The following ULK4 variants were observed in gnomAD, a reference collection of about 807,000 sequenced individuals.
ULK4 encodes the protein unc-51 like kinase 4.
In ULK4, 133 loss-of-function variants were observed where a neutral mutation model predicts 160.6. The ratio of observed to expected loss-of-function variants is 0.83; its 90% CI spans 0.72 to 0.96. The LOEUF (loss-of-function observed/expected upper bound fraction) is 0.96, where lower values mean the gene tolerates loss of function less well. ULK4 is among the 40% of genes least tolerant of loss of function. The probability of loss-of-function intolerance (pLI) is 0.00; values close to 1 mark genes in which losing one functional copy is unlikely to be tolerated. For missense variants in ULK4, 1,580 were observed against 1,499.5 expected (o/e 1.05, Z -0.89); for synonymous variants, 534 against 539.8 (o/e 0.99, Z 0.15).
intron 2 of ULK4, among the ~76,000 whole-genome samples, chr3:41,951,965 C>A (rs1036011576): frequency 2.6e-5 from 4 of 152,204 alleles, no homozygotes; most frequent in African/African-American, 9.6e-5. Flanking sequence ...CAATAAATTT[C>A]TGTTATTTAT....
At chr3:41,552,540 C>A (rs1378088836) in intron 32 of ULK4, among the ~76,000 whole-genome samples, 1 of 151,580 alleles carries the variant, frequency 6.6e-6, no homozygotes, top group East Asian at 1.9e-4. Flanking sequence ...ATAAATTTAA[C>A]CAAGGAGGTA....
At chr3:41,648,534 G>C (rs1425793061) in intron 30 of ULK4, among the ~76,000 whole-genome samples, 1 of 152,116 alleles carries the variant, frequency 6.6e-6, no homozygotes, top group Non-Finnish European at 1.5e-5. Context: ...TCAATACCTT[G>C]TCTGCCCAAT....
At chr3:41,350,375 G>T (rs908834902) in intron 35 of ULK4, among the ~76,000 whole-genome samples, 1 of 152,074 alleles carries the variant, frequency 6.6e-6, no homozygotes, top group African/African-American at 2.4e-5. Context: ...TATTTCATTG[G>T]AAGTTTATTA....
chr3:41,376,748 C>T lies in ULK4; in HGVS notation c.3678+21331G>A, dbSNP rs140010503. On this transcript the variant is annotated intron_variant, in intron 35 of 36. Transcript: ENST00000301831. ...GAGGATACAAACAAATGGAAGAACA[C>T]TCCATGTTCATGGGAAGGAAGAATC... Among the ~76,000 whole-genome samples the T allele has an allele frequency of 3.9e-3, 581 of 150,236 alleles. 37 individuals carry two copies. Among genetic ancestry groups the T allele is most frequent in the African/African-American group, 0.013 (539 of 40,278 alleles).
intron 8 of ULK4, among the ~76,000 whole-genome samples, chr3:41,914,335 T>C (rs1698897315): frequency 6.6e-6 from 1 of 152,176 alleles, no homozygotes; most frequent in East Asian, 1.9e-4. Context: ...GTTCTTATGG[T>C]TCACTAAAGG....
At chr3:41,867,515 G>A (rs916090421) in intron 17 of ULK4, among the ~76,000 whole-genome samples, 2 of 152,174 alleles carry the variant, frequency 1.3e-5, no homozygotes, top group African/African-American at 4.8e-5. Flanking sequence ...GGGATTACCG[G>A]TGTGTACCAC....
At chr3:41,452,858 A>G (rs2083452553) in intron 34 of ULK4, among the ~76,000 whole-genome samples, 1 of 152,126 alleles carries the variant, frequency 6.6e-6, no homozygotes, top group Admixed American at 6.6e-5. Context: ...AACAGCCAAA[A>G]CAGAATGGCT....
chr3:41,558,364 G>A (rs1011073918), intron 32 of ULK4, among the ~76,000 whole-genome samples: 1 of 151,922 alleles, frequency 6.6e-6, no homozygotes, highest in East Asian at 1.9e-4. Context: ...TTTTTCTTAG[G>A]GGAGGAAAAA....
chr3:41,611,503 T>G (rs548412956), intron 31 of ULK4, among the ~76,000 whole-genome samples: 16 of 152,338 alleles, frequency 1.1e-4, no homozygotes, highest in Admixed American at 9.8e-4. Flanking sequence ...CTGAGACGTG[T>G]TCTGTATCTT....
At chr3:41,365,909 T>C (rs1399762932) in intron 35 of ULK4, among the ~76,000 whole-genome samples, 4 of 152,162 alleles carry the variant, frequency 2.6e-5, no homozygotes, top group African/African-American at 9.7e-5. Flanking sequence ...TAAATCAAGT[T>C]GGTTAAAATC....
intron 32 of ULK4, among the ~76,000 whole-genome samples, chr3:41,505,710 C>G (rs980098134): frequency 2.6e-5 from 4 of 151,918 alleles, no homozygotes; most frequent in Non-Finnish European, 1.5e-5. Context: ...TTTAATAGTT[C>G]ATTGATTCTT....
intron 35 of ULK4, among the ~76,000 whole-genome samples, chr3:41,347,551 TCTTA>T (rs2080824247): frequency 1.3e-5 from 2 of 152,074 alleles, no homozygotes; most frequent in Non-Finnish European, 1.5e-5. Context: ...TCCTTTCCTC[TCTTA>T]TATATATATG....
chr3:41,831,023 TATTTATTTATTG>T (rs1559590108), intron 18 of ULK4, among the ~76,000 whole-genome samples: 47 of 151,698 alleles, frequency 3.1e-4, no homozygotes, highest in African/African-American at 1.0e-3. Flanking sequence ...TTTATTTATT[TATTTATTTATTG>T]ATTTATTTAT....
chr3:41,261,965 G>T (rs541258390), intron 35 of ULK4, among the ~76,000 whole-genome samples: 2 of 152,210 alleles, frequency 1.3e-5, no homozygotes, highest in African/African-American at 4.8e-5. Context: ...TCTTCACAGT[G>T]ACCCTATGAG....
At chr3:41,585,198 A>ACT (rs2030698847) in intron 31 of ULK4, among the ~76,000 whole-genome samples, 1 of 152,172 alleles carries the variant, frequency 6.6e-6, no homozygotes, top group African/African-American at 2.4e-5. Flanking sequence ...CAAAAGACCT[A>ACT]AAAAAGCCAA....
chr3:41,782,045 T>G (rs76784513), intron 21 of ULK4, among the ~76,000 whole-genome samples: 4,489 of 152,306 alleles, frequency 0.029, 215 homozygotes, highest in African/African-American at 0.1. Flanking sequence ...TTTTTTAGGT[T>G]TGAAACTTTT....
intron 19 of ULK4, among the ~76,000 whole-genome samples, chr3:41,805,172 C>T (rs549923266): frequency 6.6e-6 from 1 of 152,240 alleles, no homozygotes; most frequent in South Asian, 2.1e-4. Flanking sequence ...GCATTGGTTT[C>T]TAGTTCTCCT....
intron 19 of ULK4, among the ~76,000 whole-genome samples, chr3:41,802,271 T>C (rs2040484968): frequency 6.6e-6 from 1 of 152,224 alleles, no homozygotes; most frequent in African/African-American, 2.4e-5. Context: ...TCCTTAATTT[T>C]TGAGCCTATT....
chr3:41,646,414 C>T (rs1392791802), intron 30 of ULK4, among the ~76,000 whole-genome samples: 2 of 152,128 alleles, frequency 1.3e-5, no homozygotes, highest in Non-Finnish European at 2.9e-5. Context: ...TCAGCATTTG[C>T]TTGTCTGTAA....
Sources: gnomAD v4.1 joint callset for allele counts (sites outside exome capture counted in the v4.1 genomes callset) on GRCh38, gnomAD v4.1.1 for gene constraint, MANE v1.5 for transcripts, NCBI Gene and HGNC (gene_info 2026-07-23, HGNC 2026-07-21) for gene names.